Variants in GFAP observed in about 807,000 individuals in gnomAD.
GFAP encodes the protein glial fibrillary acidic protein, also known as intermediate filament protein.
In GFAP, 38 loss-of-function variants were observed where a neutral mutation model predicts 49.3. The observed-to-expected ratio is 0.77, with a 90% CI of 0.60 to 1.01. GFAP has a LOEUF of 1.01. GFAP is among the 50% of genes least tolerant of loss of function. GFAP has a pLI of 0.00. For synonymous variants in GFAP, 222 were observed against 236.4 expected (o/e 0.94, Z 0.56); for missense variants, 463 against 579.1 (o/e 0.80, Z 2.06).
At chr17:44,909,610 A>AGC (rs2051710731) in intron 7 of GFAP, 1 of 134,638 alleles carries the variant, frequency 7.4e-6, no homozygotes. Context: ...AAAGTAATTT[A>AGC]GCTCCCCCCT....
chr17:44,913,051 T>C (rs1212275880), intron 4 of GFAP: 3 of 609,312 alleles, frequency 4.9e-6, no homozygotes, highest in Non-Finnish European at 8.9e-6. Flanking sequence ...CAGTATCAGC[T>C]ACTACTAATA....
chr17:44,913,864 G>A lies in GFAP; in HGVS notation c.523-41C>T, dbSNP rs775293988. 10 of 1,537,130 alleles carry A rather than the reference G, an allele frequency of 6.5e-6. No individual in the cohort carries two copies. The African/African-American group carries it at 1.1e-4, about 17-fold the overall frequency. ...GGGTGAGGAGTAGAGGGCCACTGGG[G>A]CCCCAGGCTCCTTCTCCCCATTCCT... On this transcript the variant is annotated intron_variant, in intron 2 of 8. Coordinates refer to ENST00000588735, the MANE Select transcript of GFAP (RefSeq NM_002055.5).
intron 5 of GFAP, 98 bp downstream of exon 5, chr17:44,911,574 C>A (rs2051768371): frequency 1.3e-6 from 2 of 1,578,998 alleles, no homozygotes. Context: ...AGGCCCCGCC[C>A]TCGACCCAGG....
At chr17:44,911,888 C>G in intron 4 of GFAP, 91 bp from the exon 5 acceptor site, 1 of 1,449,260 alleles carries the variant, frequency 6.9e-7, no homozygotes, top group Non-Finnish European at 9.4e-7. Flanking sequence ...CCCCAGTTAA[C>G]CCCAGGACGT....
chr17:44,911,641 C>T (rs2051771386), intron 5 of GFAP, 31 bp downstream of exon 5: 1 of 1,607,746 alleles, frequency 6.2e-7, no homozygotes, highest in African/African-American at 1.3e-5. Context: ...CCCTGCTCCG[C>T]CCGTCCCCGT....
At position 44,903,461 on chromosome 17, in the gene GFAP, G is replaced by T; in HGVS notation, c.*3886C>A. 7.9e-7 allele frequency: 1 copy of T among 1,265,594 alleles called. No homozygotes were observed. Among genetic ancestry groups the T allele is most frequent in the Non-Finnish European group, 9.9e-7 (1 of 1,008,164 alleles). The allele number at this position is 1,265,594 out of a possible 1,614,324, so 78.4% of individuals were successfully genotyped here. On this transcript the variant is annotated 3_prime_UTR_variant, in exon 9 of 9. Coordinates refer to ENST00000588735, the MANE Select transcript of GFAP (RefSeq NM_002055.5). ...TTTTCCACCAGGCTGGCAGGGCAGG[G>T]CCTGGAGCACTGAGGCAGAGATCTC...
rs73986421 is a variant in GFAP at position 44,910,611 on chromosome 17, T to C, written c.1171+4A>G. 2.5e-6 allele frequency: 4 copies of C among 1,575,334 alleles called. No individual in the cohort carries two copies. In the African/African-American group the frequency reaches 5.4e-5, roughly 21 times the overall value. ...CCCTTCCCACGAGGCCCTGCTGTAC[T>C]GACCTCGAATCTGCAGGTTGGAGAA... On this transcript the variant is annotated splice_donor_region_variant and intron_variant, in intron 7 of 8. Transcript: ENST00000588735.
Position 44,905,055 on chromosome 17 carries a change from C to T in GFAP, c.*2292G>A, listed in dbSNP as rs1305085597. ...TGCTGCTACTTATTTCACTGTTGTC[C>T]CAGCTTCTCCCCCTAGGAGCTCTCT... On this transcript the variant is annotated 3_prime_UTR_variant, in exon 9 of 9. Coordinates refer to ENST00000588735, the MANE Select transcript of GFAP (RefSeq NM_002055.5). 1 of 1,542,846 alleles carries T rather than the reference C, an allele frequency of 6.5e-7. No homozygotes were observed. Among genetic ancestry groups the T allele is most frequent in the Admixed American group, 2.0e-5 (1 of 50,628 alleles).
rs2051648244 is a variant in GFAP, at chr17:44,906,039, A to C, written c.*1308T>G. 1 of 152,306 alleles carries C rather than the reference A, an allele frequency of 6.6e-6. No individual in the cohort carries two copies. Among genetic ancestry groups the C allele is most frequent in the South Asian group, 2.1e-4 (1 of 4,830 alleles). 9.4% of individuals were successfully genotyped at this position (152,306 alleles called of 1,614,324 possible). A position where few individuals can be genotyped will look rare whatever the true frequency, so the allele number is the denominator to read the frequency against. On this transcript the variant is annotated 3_prime_UTR_variant, in exon 9 of 9. Coordinates refer to ENST00000588735, the MANE Select transcript of GFAP (RefSeq NM_002055.5). ...ACATTTTGTGTGTGAGTAAGAAGGG[A>C]CCGCAAGAGGCCCTTGGCTTAGGGA...
rs1469741542 is a variant in GFAP at position 44,915,419 on chromosome 17, C to G, written c.68G>C (p.Gly23Ala). Reference protein sequence around the residue: ...SYVSSGEMMVGGLAPGRRLGP... With the variant: ...SYVSSGEMMVAGLAPGRRLGP... ...CAGACGGCGGCCAGGAGCCAGGCCC[C>G]CCACCATCATCTCCCCTGAGGAGAC... The change falls in exon 1 of 9, where the codon GGG becomes GCG. Residue 23 changes from glycine (G) to alanine (A), a missense_variant. Gly to Ala is a moderately conservative substitution (Grantham distance 60). Coordinates refer to ENST00000588735, the MANE Select transcript of GFAP (RefSeq NM_002055.5). This position sits in a 1 kb window ranked among gnomAD's most constrained non-coding sequence, Gnocchi z 4.1. 1.4e-5 allele frequency: 22 copies of G among 1,608,166 alleles called. No homozygotes were observed. The highest frequency in any genetic ancestry group is 1.8e-5 in the Non-Finnish European group (21 of 1,177,008).
intron 7 of GFAP, chr17:44,910,093 C>G: frequency 6.2e-7 from 1 of 1,613,628 alleles, no homozygotes; most frequent in Non-Finnish European, 8.5e-7. Flanking sequence ...GAGGCTCACT[C>G]CCTGTCAAGC....
rs759594700 is a variant in GFAP, at chr17:44,915,153, G to T, written c.334C>A (p.Leu112Met). ...AGCTCAGCCTGGTAGACGTCTGCCA[G>T]CTTGGTGGGCTCCTTGGCCCGCAGC... ...NQLRAKEPTK[L>M]ADVYQAELRE... The change falls in exon 1 of 9, where the codon CTG becomes ATG. Residue 112 changes from leucine to methionine, a missense_variant. Leu to Met is a conservative substitution (Grantham distance 15). Transcript: ENST00000588735. The surrounding 1 kb of genome is among the most constrained non-coding windows in gnomAD (Gnocchi z 4.1). 6.2e-7 allele frequency: 1 copy of T among 1,614,186 alleles called. No homozygotes were observed. The highest frequency in any genetic ancestry group is 1.1e-5 in the South Asian group (1 of 91,086).
chr17:44,914,208 CAGG>C (rs2051851909), intron 1 of GFAP, 120 bp from the exon 2 acceptor site: 1 of 718,738 alleles, frequency 1.4e-6, no homozygotes, highest in Non-Finnish European at 2.5e-6. Flanking sequence ...AGTAGAGCAG[CAGG>C]AGGATTAAGG....
chr17:44,907,356 A>T lies in GFAP; in HGVS notation c.1290T>A (p.Asp430Glu), dbSNP rs1286530776. Reference protein sequence around the residue: ...VIKESKQEHKDVM With the variant: ...VIKESKQEHKEVM ...CCAGGTGGGTCCTGCCTCACATCAC[A>T]TCCTTGTGCTCCTGCTTGGACTCCT... The change falls in exon 9 of 9, where the codon GAT becomes GAA. Residue 430 changes from aspartate (D) to glutamate (E), a missense_variant. By Grantham distance (45) the Asp-to-Glu change is conservative (BLOSUM62 2). Coordinates refer to ENST00000588735, the MANE Select transcript of GFAP (RefSeq NM_002055.5). The T allele has an allele frequency of 6.2e-7, 1 of 1,613,720 alleles. No homozygotes were observed. The highest frequency in any genetic ancestry group is 8.5e-7 in the Non-Finnish European group (1 of 1,179,810).
rs1210280001 is a variant in GFAP at position 44,903,905 on chromosome 17, A to C, written c.*3442T>G. On this transcript the variant is annotated 3_prime_UTR_variant, in exon 9 of 9. Transcript: ENST00000588735. ...CTTTGAAATTGTGGAGAAGGAAAAC[A>C]TTTTTCAGAGGACCCCCTGCCCTGC... The C allele has an allele frequency of 5.8e-6, 9 of 1,550,540 alleles. No homozygotes were observed. In the Admixed American group the frequency reaches 9.8e-5, roughly 17 times the overall value.
At chr17:44,913,663 T>C in intron 3 of GFAP, 65 bp downstream of exon 3, 3 of 1,260,490 alleles carry the variant, frequency 2.4e-6, no homozygotes, top group Non-Finnish European at 3.5e-6. Flanking sequence ...CTTCTCTGTC[T>C]CTGTCTCTCC....
In GFAP at chr17:44,905,823, C is replaced by G. The variant is rs1376795879; in HGVS notation, c.*1524G>C. ...AACCCTGAAGTGGGCCCTCCCAGTC[C>G]CATCTCTGGGCACAGATCCCACCAG... is the stretch of plus-strand genomic sequence containing the variant. On this transcript the variant is annotated 3_prime_UTR_variant, in exon 9 of 9. Coordinates refer to ENST00000588735, the MANE Select transcript of GFAP (RefSeq NM_002055.5). 6.6e-6 allele frequency: 1 copy of G among 152,590 alleles called. No individual in the cohort carries two copies. The highest frequency in any genetic ancestry group is 2.4e-5 in the African/African-American group (1 of 41,416). The allele number at this position is 152,590 out of a possible 1,614,324, so 9.5% of individuals were successfully genotyped here.
intron 7 of GFAP, chr17:44,909,326 T>C (rs1597854809): frequency 6.6e-6 from 1 of 152,178 alleles, no homozygotes; most frequent in South Asian, 2.1e-4. Flanking sequence ...ATAAAGGCTG[T>C]TAAACATGTG....
At position 44,910,638 on chromosome 17, in the gene GFAP, G is replaced by T. The variant is rs267607517; in HGVS notation, c.1148C>A (p.Thr383Asn). ...EENRITIPVQ[T>N]FSNLQIRETS... ...ACCTCGAATCTGCAGGTTGGAGAAG[G>T]TCTGCACGGGAATGGTGATCCTGAA... The change falls in exon 7 of 9, where the codon ACC becomes AAC. Residue 383 changes from threonine to asparagine, a missense_variant. By Grantham distance (65) the Thr-to-Asn change is moderately conservative. Coordinates refer to ENST00000588735, the MANE Select transcript of GFAP (RefSeq NM_002055.5). The T allele has an allele frequency of 9.5e-6, 15 of 1,585,576 alleles. No individual in the cohort carries two copies. Among genetic ancestry groups the T allele is most frequent in the Non-Finnish European group, 1.3e-5 (15 of 1,165,944 alleles).
Sources: allele counts gnomAD v4.1 joint callset, GRCh38; gene constraint gnomAD v4.1.1; non-coding constraint Gnocchi (gnomAD v3.1); transcripts MANE v1.5; gene names NCBI Gene and HGNC (gene_info 2026-07-23, HGNC 2026-07-21).